DLC1: variants seen among roughly 807,000 people sequenced by gnomAD.
The protein encoded by DLC1 is rho GTPase-activating protein 7.
Under a neutral mutation model 140.3 loss-of-function variants are expected in DLC1, and 54 were observed. That is an observed-to-expected ratio of 0.38 (90% CI 0.31 to 0.48). The LOEUF (loss-of-function observed/expected upper bound fraction) is 0.48. Among genes scored for constraint, DLC1 ranks in the 20% least tolerant of loss-of-function variants. DLC1 has a pLI of 0.96. For synonymous variants in DLC1, 986 were observed against 728.1 expected (o/e 1.35, Z -5.70); for missense variants, 2,536 against 1,907.0 (o/e 1.33, Z -6.14).
At chr8:13,286,749 A>G (rs1831548593) in intron 5 of DLC1, among the ~76,000 whole-genome samples, 1 of 151,478 alleles carries the variant, frequency 6.6e-6, no homozygotes, top group Non-Finnish European at 1.5e-5. Flanking sequence ...AAAACACATG[A>G]AAAAAGTGAA....
At chr8:13,412,626 T>C (rs1203742425) in intron 2 of DLC1, among the ~76,000 whole-genome samples, 2 of 152,096 alleles carry the variant, frequency 1.3e-5, no homozygotes, top group East Asian at 3.9e-4. Flanking sequence ...ACCTACGTAA[T>C]GCTTCAGTGC....
At chr8:13,315,282 TA>T (rs1202219681) in intron 4 of DLC1, among the ~76,000 whole-genome samples, 2 of 152,160 alleles carry the variant, frequency 1.3e-5, no homozygotes, top group Non-Finnish European at 2.9e-5. Flanking sequence ...ATGTTAATAA[TA>T]AAAAGAAACT....
At chr8:13,529,684 G>A (rs543426155) in intron 1 of DLC1, among the ~76,000 whole-genome samples, 1 of 152,274 alleles carries the variant, frequency 6.6e-6, no homozygotes, top group South Asian at 2.1e-4. Flanking sequence ...CCGAATGGAA[G>A]AAAGCAAATA....
chr8:13,311,864 C>A (rs1037513263), intron 4 of DLC1, among the ~76,000 whole-genome samples: 4 of 152,106 alleles, frequency 2.6e-5, no homozygotes, highest in African/African-American at 4.8e-5. Context: ...AAAATTTTTT[C>A]TTTTCCTCCT....
Position 13,181,625 on chromosome 8 carries a change from T to C in DLC1, c.1349-65968A>G, listed in dbSNP as rs578143069. ...CCTTGTGATAGTTTGCTGAGAATGATGGTTTACAGCTTCATCCATGTCCCT... is the reference window on the plus strand; with the variant it reads ...CCTTGTGATAGTTTGCTGAGAATGACGGTTTACAGCTTCATCCATGTCCCT... On this transcript the variant is annotated intron_variant, in intron 5 of 17. Coordinates refer to ENST00000276297, the MANE Select transcript of DLC1 (RefSeq NM_182643.3). Among the ~76,000 whole-genome samples the C allele has an allele frequency of 3.9e-3, 592 of 152,120 alleles. 4 individuals are homozygous for C. Among genetic ancestry groups the C allele is most frequent in the African/African-American group, 0.013 (557 of 41,456 alleles).
chr8:13,308,250 G>A (rs889451600), intron 4 of DLC1, among the ~76,000 whole-genome samples: 8 of 152,132 alleles, frequency 5.3e-5, no homozygotes, highest in Non-Finnish European at 7.3e-5. Flanking sequence ...TGCCAATTAC[G>A]TTAGAATGTC....
At chr8:13,295,956 T>G (rs1025400774) in intron 5 of DLC1, among the ~76,000 whole-genome samples, 92 of 127,976 alleles carry the variant, frequency 7.2e-4, no homozygotes, top group African/African-American at 2.7e-3. Flanking sequence ...TTTTTTTTTT[T>G]TTTTTTTTTT....
chr8:13,117,814 A>G (rs1003081924), intron 5 of DLC1, among the ~76,000 whole-genome samples: 2 of 152,238 alleles, frequency 1.3e-5, no homozygotes, highest in African/African-American at 2.4e-5. Flanking sequence ...TCACTAGCCA[A>G]TCCTGCCAGA....
upstream of DLC1, among the ~76,000 whole-genome samples, chr8:13,517,561 T>G (rs930554532): frequency 6.6e-6 from 1 of 152,126 alleles, no homozygotes; most frequent in Non-Finnish European, 1.5e-5. Context: ...CAAATATGAG[T>G]GTAAAGATAA....
At chr8:13,493,702 A>G (rs895330955) in intron 2 of DLC1, among the ~76,000 whole-genome samples, 1 of 152,034 alleles carries the variant, frequency 6.6e-6, no homozygotes, top group Non-Finnish European at 1.5e-5. Context: ...TCTAGAACTT[A>G]TTTTCTTTAA....
chr8:13,303,785 G>A (rs192716888), intron 5 of DLC1, among the ~76,000 whole-genome samples: 30 of 152,248 alleles, frequency 2.0e-4, no homozygotes, highest in African/African-American at 6.7e-4. Context: ...CTGGGCAACA[G>A]AGTGAGACTC....
intron 5 of DLC1, among the ~76,000 whole-genome samples, chr8:13,154,424 G>A (rs929880430): frequency 6.6e-6 from 1 of 152,218 alleles, no homozygotes; most frequent in Non-Finnish European, 1.5e-5. Context: ...CGCCCCCTCC[G>A]CAGCTGCTGG....
chr8:13,103,823 G>A (rs1302612341), intron 7 of DLC1, among the ~76,000 whole-genome samples: 2 of 115,488 alleles, frequency 1.7e-5, no homozygotes, highest in African/African-American at 3.5e-5. Flanking sequence ...CTGGGCAAAA[G>A]AGCCAGACTC....
At chr8:13,176,782 A>G (rs868548124) in intron 5 of DLC1, among the ~76,000 whole-genome samples, 5 of 152,200 alleles carry the variant, frequency 3.3e-5, no homozygotes, top group Middle Eastern at 3.2e-3. Context: ...TGACCTTCAA[A>G]TATGGAGATT....
intron 5 of DLC1, among the ~76,000 whole-genome samples, chr8:13,169,768 A>T (rs1282277828): frequency 1.3e-5 from 2 of 152,204 alleles, no homozygotes; most frequent in African/African-American, 4.8e-5. Flanking sequence ...TCTAGTCTGT[A>T]ATCCCAGCAT....
At chr8:13,537,126 A>T (rs905231482) in intron 1 of DLC1, among the ~76,000 whole-genome samples, 5 of 82,582 alleles carry the variant, frequency 6.1e-5, no homozygotes, top group African/African-American at 1.1e-4. Flanking sequence ...ACAGTACATT[A>T]AAAAAAAACC....
Position 13,133,354 on chromosome 8 carries a change from A to G in DLC1, c.1349-17697T>C, listed in dbSNP as rs1360876743. 35 of 1,089,674 alleles carry G rather than the reference A, an allele frequency of 3.2e-5. No homozygotes were observed. The African/African-American group carries it at 5.5e-4, about 17-fold the overall frequency. The allele number at this position is 1,089,674 out of a possible 1,614,324, so 67.5% of individuals were successfully genotyped here. On this transcript the variant is annotated intron_variant, in intron 5 of 17. Transcript: ENST00000276297. Reference sequence around the variant, plus strand: ...CCCACCCCCCGAGGGGCGGGGCCAGAGCGGGCGGCACCGCCTCCTCCCCGC... The same window carrying G: ...CCCACCCCCCGAGGGGCGGGGCCAGGGCGGGCGGCACCGCCTCCTCCCCGC...
intron 3 of DLC1, among the ~76,000 whole-genome samples, chr8:13,397,724 A>T (rs558180582): frequency 2.2e-4 from 33 of 152,214 alleles, no homozygotes; most frequent in African/African-American, 7.7e-4. Flanking sequence ...TATTCTCAGC[A>T]ACTCAGGAGG....
At chr8:13,550,423 A>G (rs1175313792) in intron 1 of DLC1, among the ~76,000 whole-genome samples, 17 of 152,090 alleles carry the variant, frequency 1.1e-4, no homozygotes, top group Admixed American at 1.1e-3. Context: ...CAGTCTTAAT[A>G]GTATCTTTGT....
Sources: allele counts gnomAD v4.1 joint callset (sites outside exome capture counted in the v4.1 genomes callset), GRCh38; gene constraint gnomAD v4.1.1; transcripts MANE v1.5; gene names NCBI Gene and HGNC (gene_info 2026-07-23, HGNC 2026-07-21).